Variants in MRAS observed in about 807,000 individuals in gnomAD.
MRAS encodes the protein muscle RAS oncogene homolog.
Under a neutral mutation model 20.9 loss-of-function variants are expected in MRAS, and 4 were observed. The ratio of observed to expected loss-of-function variants is 0.19; its 90% confidence interval spans 0.09 to 0.44. The LOEUF (loss-of-function observed/expected upper bound fraction) is 0.44. MRAS is among the 20% of genes least tolerant of loss of function. The pLI is 0.99. For missense variants in MRAS, 154 were observed against 277.5 expected (o/e 0.56, Z 3.16); for synonymous variants, 98 against 102.9 (o/e 0.95, Z 0.29).
chr3:138,369,654 A>G (rs1267699101), intron 1 of MRAS, among the ~76,000 whole-genome samples: 1 of 152,108 alleles, frequency 6.6e-6, no homozygotes, highest in East Asian at 1.9e-4. Flanking sequence ...GCCCTGTTCC[A>G]TTGTGTCCTA....
intron 3 of MRAS, among the ~76,000 whole-genome samples, chr3:138,398,055 T>G (rs2055278854): frequency 6.6e-6 from 1 of 152,266 alleles, no homozygotes. Context: ...CATTCAGTTT[T>G]GGACAAAATT....
intron 2 of MRAS, among the ~76,000 whole-genome samples, chr3:138,395,014 G>A (rs913230934): frequency 2.0e-5 from 3 of 152,040 alleles, no homozygotes; most frequent in Non-Finnish European, 4.4e-5. Flanking sequence ...GTCCTCTAGA[G>A]CATGCCTTTC....
rs958395393 is a variant in MRAS at position 138,403,143 on chromosome 3, A to T, written c.*874A>T. 6.6e-6 allele frequency: 1 copy of T among 152,232 alleles called. No homozygotes were observed. The highest frequency in any genetic ancestry group is 2.4e-5 in the African/African-American group (1 of 41,468). 9.4% of individuals were successfully genotyped at this position (152,232 alleles called of 1,614,324 possible). ...CTAAAGTAAGCTGATTGGCTTTGCAAACATGTTCATTTGTTTTTCAGACAG... is the reference window on the plus strand; with the variant it reads ...CTAAAGTAAGCTGATTGGCTTTGCATACATGTTCATTTGTTTTTCAGACAG... On this transcript the variant is annotated 3_prime_UTR_variant, in exon 6 of 6. Transcript: ENST00000423968.
chr3:138,390,034 GGGA>G (rs1256909977), intron 2 of MRAS, among the ~76,000 whole-genome samples: 3 of 149,886 alleles, frequency 2.0e-5, no homozygotes, highest in African/African-American at 7.4e-5. Flanking sequence ...AAGGGGAGAA[GGGA>G]GGAGGAGAAG....
Position 138,360,001 on chromosome 3 carries a change from C to T in MRAS, c.-19+11234C>T, listed in dbSNP as rs2054411657. 2.0e-5 allele frequency among the ~76,000 whole-genome samples: 3 copies of T among 152,224 alleles called. No individual in the cohort carries two copies. In the South Asian group the frequency reaches 6.2e-4, roughly 32 times the overall value. Reference sequence around the variant, plus strand: ...GCTGGCTATTCTTTAAAAATTTAGACTATCTGGCAAGCTCATTGCAGATAT... The same window carrying T: ...GCTGGCTATTCTTTAAAAATTTAGATTATCTGGCAAGCTCATTGCAGATAT... On this transcript the variant is annotated intron_variant, in intron 1 of 5. Transcript: ENST00000423968.
intron 1 of MRAS, among the ~76,000 whole-genome samples, chr3:138,354,682 C>G (rs1412050914): frequency 6.6e-6 from 1 of 152,168 alleles, no homozygotes; most frequent in Non-Finnish European, 1.5e-5. Flanking sequence ...TTAGTCATAG[C>G]TGCCTAAACT....
At position 138,402,362 on chromosome 3, in the gene MRAS, C is replaced by T; in HGVS notation, c.*93C>T. 9.1e-7 allele frequency: 1 copy of T among 1,101,420 alleles called. No homozygotes were observed. The highest frequency in any genetic ancestry group is 1.4e-5 in the South Asian group (1 of 69,882). The allele number at this position is 1,101,420 out of a possible 1,614,324, so 68.2% of individuals were successfully genotyped here. A position where few individuals can be genotyped will look rare whatever the true frequency, so the allele number is the denominator to read the frequency against. On this transcript the variant is annotated 3_prime_UTR_variant, in exon 6 of 6. Coordinates refer to ENST00000423968, the MANE Select transcript of MRAS (RefSeq NM_001085049.3). ...GCACTGAAACCATTTCTAACCACAA[C>T]CCTTGGCCCAAGGACTTGGTACAGG...
intron 1 of MRAS, among the ~76,000 whole-genome samples, chr3:138,356,279 G>C (rs1020115154): frequency 2.0e-5 from 3 of 152,218 alleles, no homozygotes; most frequent in African/African-American, 7.2e-5. Context: ...GATCTGTGGG[G>C]AGATTGCTGG....
At position 138,404,499 on chromosome 3, in the gene MRAS, A is replaced by G. The variant is rs569530952; in HGVS notation, c.*2230A>G. The G allele has an allele frequency of 1.3e-5, 2 of 152,342 alleles. No homozygotes were observed. The highest frequency in any genetic ancestry group is 1.9e-4 in the East Asian group (1 of 5,196). The allele number at this position is 152,342 out of a possible 1,614,324, so 9.4% of individuals were successfully genotyped here. A position where few individuals can be genotyped will look rare whatever the true frequency, so the allele number is the denominator to read the frequency against. ...AAGGTGAGAAGACATAGGGATTTCA[A>G]CCACACAGTTGGGACAGAAGGGACA... On this transcript the variant is annotated 3_prime_UTR_variant, in exon 6 of 6. Coordinates refer to ENST00000423968, the MANE Select transcript of MRAS (RefSeq NM_001085049.3).
intron 1 of MRAS, among the ~76,000 whole-genome samples, chr3:138,358,272 G>A (rs1165251933): frequency 6.6e-6 from 1 of 151,976 alleles, no homozygotes; most frequent in Non-Finnish European, 1.5e-5. Flanking sequence ...AGGAGGCAGA[G>A]TCTGCACTGA....
chr3:138,371,940 C>G (rs1370616317), intron 1 of MRAS, among the ~76,000 whole-genome samples: 1 of 152,114 alleles, frequency 6.6e-6, no homozygotes, highest in African/African-American at 2.4e-5. Flanking sequence ...ACAAAGGTCA[C>G]TCTTCACTTC....
chr3:138,385,057 C>T (rs1395777878), intron 2 of MRAS, among the ~76,000 whole-genome samples: 1 of 149,822 alleles, frequency 6.7e-6, no homozygotes, highest in East Asian at 1.9e-4. Context: ...GAGGAGCAGG[C>T]AGCGAGGATA....
intron 1 of MRAS, among the ~76,000 whole-genome samples, chr3:138,360,480 G>A (rs927885200): frequency 7.2e-5 from 11 of 152,220 alleles, no homozygotes; most frequent in Admixed American, 6.5e-4. Context: ...AGAAGGCAGG[G>A]CCAGTCAGGG....
intron 4 of MRAS, among the ~76,000 whole-genome samples, chr3:138,399,878 T>A (rs1204665982): frequency 1.3e-5 from 2 of 152,198 alleles, no homozygotes; most frequent in African/African-American, 2.4e-5. Context: ...TTGGTGCAGA[T>A]CTGGCCCTGG....
intron 1 of MRAS, among the ~76,000 whole-genome samples, chr3:138,357,235 C>T (rs895747953): frequency 3.3e-5 from 5 of 150,130 alleles, no homozygotes; most frequent in East Asian, 1.9e-4. Flanking sequence ...TTGCCCCAAG[C>T]GGGGCCTCTG....
chr3:138,369,603 CA>C (rs1436387926), intron 1 of MRAS, among the ~76,000 whole-genome samples: 3 of 152,142 alleles, frequency 2.0e-5, no homozygotes, highest in Non-Finnish European at 4.4e-5. Flanking sequence ...AGGGTTTTCA[CA>C]AGGGGCCCAG....
intron 1 of MRAS, among the ~76,000 whole-genome samples, chr3:138,351,260 T>TAAA (rs56208256): frequency 0.59 from 89,121 of 151,754 alleles, 27,282 homozygotes; most frequent in East Asian, 0.73. Context: ...TCATGAGCAT[T>TAAA]GTGTAGTTTG....
At chr3:138,375,485 C>T (rs148638913) in intron 2 of MRAS, among the ~76,000 whole-genome samples, 1 of 152,244 alleles carries the variant, frequency 6.6e-6, no homozygotes, top group Non-Finnish European at 1.5e-5. Flanking sequence ...GGCCATCTGG[C>T]CCTGGAGTTT....
chr3:138,383,719 A>G (rs1251132259), intron 2 of MRAS, among the ~76,000 whole-genome samples: 2 of 152,164 alleles, frequency 1.3e-5, no homozygotes, highest in Non-Finnish European at 2.9e-5. Flanking sequence ...TTGCTAATGT[A>G]CCCATCTCTC....
Sources: allele counts gnomAD v4.1 joint callset (sites outside exome capture counted in the v4.1 genomes callset), GRCh38; gene constraint gnomAD v4.1.1; transcripts MANE v1.5; gene names NCBI Gene and HGNC (gene_info 2026-07-23, HGNC 2026-07-21).